The following CCNY variants were observed in gnomAD, a reference collection of about 807,000 sequenced individuals.
CCNY encodes cyclin Y.
CCNY carries 19 observed loss-of-function variants against 42.8 expected under a neutral mutation model. That is an observed-to-expected ratio of 0.44 (90% CI 0.31 to 0.65). The LOEUF (loss-of-function observed/expected upper bound fraction) is 0.65. Ranked by LOEUF, CCNY falls within the 30% of genes least tolerant of loss-of-function variation. The probability of loss-of-function intolerance (pLI) is 0.07; values close to 1 mark genes in which losing one functional copy is unlikely to be tolerated. For synonymous variants in CCNY, 165 were observed against 162.7 expected, an observed-to-expected ratio of 1.01 and a Z score of -0.11; for missense variants, 370 against 437.3, an observed-to-expected ratio of 0.85 and a Z score of 1.37.
At chr10:35,565,932 T>C in intron 8 of CCNY, 91 bp from the exon 9 acceptor site, 2 of 1,278,386 alleles carry the variant, frequency 1.6e-6, no homozygotes, top group South Asian at 1.4e-5. Context: ...GATGCAGTTT[T>C]CTGGAGTCTG....
At position 35,323,878 on chromosome 10, in the gene CCNY, G is replaced by C. The variant is rs539365806; in HGVS notation, c.-9+73252G>C. Among the ~76,000 whole-genome samples, 32 of 152,074 alleles carry C rather than the reference G, an allele frequency of 2.1e-4. No individual in the cohort carries two copies. The South Asian group carries it at 5.8e-3, about 28-fold the overall frequency. ...TACTAAAAATACAAAAATTAGCAGG[G>C]CATGGTGGGCACGTGCCTGTAGTCC... On this transcript the variant is annotated intron_variant, in intron 3 of 11. Transcript: ENST00000374706.
At chr10:35,370,229 G>C (rs1406479014) in intron 1 of CCNY, among the ~76,000 whole-genome samples, 3 of 150,020 alleles carry the variant, frequency 2.0e-5, no homozygotes, top group African/African-American at 7.4e-5. Context: ...TCGGCTCACT[G>C]CAAGCTCCGC....
chr10:35,452,152 C>A (rs543715060), intron 1 of CCNY, among the ~76,000 whole-genome samples: 1 of 152,276 alleles, frequency 6.6e-6, no homozygotes, highest in Admixed American at 6.5e-5. Flanking sequence ...AGAGAACATA[C>A]AGTAAATAAT....
intron 1 of CCNY, among the ~76,000 whole-genome samples, chr10:35,455,781 C>G (rs58209171): frequency 6.8e-6 from 1 of 146,146 alleles, no homozygotes; most frequent in Non-Finnish European, 1.5e-5. Context: ...TAGTGATCCT[C>G]TGATGGCTCC....
intron 8 of CCNY, among the ~76,000 whole-genome samples, chr10:35,563,299 A>G (rs977541729): frequency 6.6e-6 from 1 of 152,206 alleles, no homozygotes. Flanking sequence ...TCTGTTTTCC[A>G]GGGAACCCTG....
intron 1 of CCNY, among the ~76,000 whole-genome samples, chr10:35,434,905 T>C (rs929491489): frequency 6.6e-6 from 1 of 152,226 alleles, no homozygotes; most frequent in Non-Finnish European, 1.5e-5. Context: ...ACTTTCTTTC[T>C]ACTTAATGTA....
intron 3 of CCNY, among the ~76,000 whole-genome samples, chr10:35,272,598 T>C (rs1370495687): frequency 1.3e-5 from 2 of 152,220 alleles, no homozygotes; most frequent in Non-Finnish European, 2.9e-5. Context: ...AAGGACATGA[T>C]GTTGTTCTTT....
intron 9 of CCNY, among the ~76,000 whole-genome samples, chr10:35,568,108 T>C (rs940675929): frequency 6.6e-6 from 1 of 152,186 alleles, no homozygotes; most frequent in Non-Finnish European, 1.5e-5. Context: ...GCTACACAGC[T>C]CTGCAGGAAA....
intron 1 of CCNY, among the ~76,000 whole-genome samples, chr10:35,367,441 C>T (rs1019357974): frequency 1.3e-5 from 2 of 152,098 alleles, no homozygotes; most frequent in African/African-American, 4.8e-5. Flanking sequence ...GTGCTTGGTA[C>T]AAAGTAAATG....
At chr10:35,562,132 T>G (rs1841478572) in intron 8 of CCNY, among the ~76,000 whole-genome samples, 3 of 152,244 alleles carry the variant, frequency 2.0e-5, no homozygotes, top group Admixed American at 2.0e-4. Flanking sequence ...TGTCTGTTTC[T>G]TGTTTTTGTT....
chr10:35,400,177 A>C (rs1837613407), intron 1 of CCNY, among the ~76,000 whole-genome samples: 1 of 152,038 alleles, frequency 6.6e-6, no homozygotes. Flanking sequence ...GCAGTTTTAT[A>C]GAAGAATTCT....
At chr10:35,458,813 A>G (rs1242590087) in intron 1 of CCNY, among the ~76,000 whole-genome samples, 3 of 152,146 alleles carry the variant, frequency 2.0e-5, no homozygotes, top group Non-Finnish European at 4.4e-5. Flanking sequence ...TTCCCCTTTC[A>G]GGGAACCAAG....
chr10:35,377,651 A>G (rs770586961), intron 1 of CCNY, among the ~76,000 whole-genome samples: 4 of 152,248 alleles, frequency 2.6e-5, no homozygotes, highest in Non-Finnish European at 4.4e-5. Flanking sequence ...TTACAACTCA[A>G]TAATGGAAAT....
intron 2 of CCNY, among the ~76,000 whole-genome samples, chr10:35,492,058 C>G (rs754978112): frequency 3.9e-5 from 6 of 152,198 alleles, no homozygotes; most frequent in African/African-American, 7.2e-5. Context: ...CTCGTTTCCT[C>G]CTTCCTCACC....
intron 3 of CCNY, among the ~76,000 whole-genome samples, chr10:35,313,136 G>C (rs998877107): frequency 6.6e-6 from 1 of 152,018 alleles, no homozygotes; most frequent in African/African-American, 2.4e-5. Flanking sequence ...CCTTTCACAT[G>C]ATCCTGAAAT....
chr10:35,475,879 G>A (rs1185835982), intron 1 of CCNY, among the ~76,000 whole-genome samples: 37 of 151,370 alleles, frequency 2.4e-4, no homozygotes, highest in African/African-American at 8.0e-4. Context: ...TCAGTGTGCT[G>A]TATTCAGGAA....
chr10:35,563,044 C>G (rs148631687), intron 8 of CCNY, among the ~76,000 whole-genome samples: 192 of 151,976 alleles, frequency 1.3e-3, no homozygotes, highest in African/African-American at 4.6e-3. Context: ...TCATAGTTAT[C>G]TAAATGCAGA....
chr10:35,348,316 G>C (rs1002400551), intron 1 of CCNY, among the ~76,000 whole-genome samples: 1 of 152,202 alleles, frequency 6.6e-6, no homozygotes, highest in African/African-American at 2.4e-5. Context: ...AGGGAGTCTG[G>C]AGGAAGCCTA....
intron 1 of CCNY, among the ~76,000 whole-genome samples, chr10:35,467,067 T>C (rs1036458604): frequency 1.2e-4 from 18 of 152,222 alleles, no homozygotes; most frequent in Non-Finnish European, 1.8e-4. Context: ...TGTTTACTGC[T>C]GTGTGCCCAG....
Sources: allele counts gnomAD v4.1 joint callset (sites outside exome capture counted in the v4.1 genomes callset), GRCh38; gene constraint gnomAD v4.1.1; transcripts MANE v1.5; gene names NCBI Gene and HGNC (gene_info 2026-07-23, HGNC 2026-07-21).